Variants in TTN observed in about 807,000 individuals in gnomAD.
The protein encoded by TTN is titin, also known as connectin.
A neutral mutation model predicts 3,223.0 loss-of-function variants in TTN; 1,525 were observed. That is an observed-to-expected ratio of 0.47 (90% CI 0.45 to 0.49). The LOEUF is 0.49. Ranked by LOEUF, TTN falls within the 20% of genes least tolerant of loss-of-function variation. The pLI is 0.00. For missense variants in TTN, 40,786 were observed against 43,424.0 expected, an observed-to-expected ratio of 0.94 and a Z score of 5.40; for synonymous variants, 14,094 against 15,161.0, an observed-to-expected ratio of 0.93 and a Z score of 5.17.
At position 178,695,339 on chromosome 2, in the gene TTN, AT is replaced by A. The variant is rs750965338; in HGVS notation, c.31270+8del. On this transcript the variant is annotated splice_region_variant and intron_variant, in intron 115 of 362. Transcript: ENST00000589042. ...GCTCTAGTCTATTTAAATATTTCTAATTACTTACCTTTAGGAGGTGGTGGTG... is the reference window on the plus strand; with the variant it reads ...GCTCTAGTCTATTTAAATATTTCTAATACTTACCTTTAGGAGGTGGTGGTG... The A allele has an allele frequency of 5.0e-6, 8 of 1,607,818 alleles. No homozygotes were observed. Among genetic ancestry groups the A allele is most frequent in the Non-Finnish European group, 6.8e-6 (8 of 1,175,312 alleles).
At chr2:178,726,311 T>G in intron 69 of TTN, 1 of 307,668 alleles carries the variant, frequency 3.3e-6, no homozygotes, top group East Asian at 5.2e-5. Context: ...CTGATGTATC[T>G]TAGGCTACAA....
rs751625996 is a variant in TTN, at chr2:178,582,534, C to T, written c.65922G>A (p.Met21974Ile). 45 of 1,612,694 alleles carry T rather than the reference C, an allele frequency of 2.8e-5. No homozygotes were observed. The South Asian group carries it at 4.9e-4, about 18-fold the overall frequency. The change falls in exon 314 of 363, where the codon ATG (methionine) becomes ATA (isoleucine). Residue 21974 changes from methionine (M) to isoleucine (I), a missense_variant. Physicochemically the swap from Met to Ile is conservative, Grantham distance 10 (BLOSUM62 1). Coordinates refer to ENST00000589042, the MANE Select transcript of TTN (RefSeq NM_001267550.2). ...CTTCAAGAGGCGGTTCCCAAGAAAGCATAGCACGATCTGAATACATTTTGT... is the reference window on the plus strand; with the variant it reads ...CTTCAAGAGGCGGTTCCCAAGAAAGTATAGCACGATCTGAATACATTTTGT... ...KINKMYSDRAMLSWEPPLEDG... is the reference protein window; with the variant it reads ...KINKMYSDRAILSWEPPLEDG...
rs746938332 is a variant in TTN at position 178,739,039 on chromosome 2, A to T, written c.14092+102T>A. 2.9e-4 allele frequency: 383 copies of T among 1,338,850 alleles called. 2 individuals are homozygous for T. The highest frequency in any genetic ancestry group is 3.6e-4 in the Non-Finnish European group (368 of 1,021,430). The allele number at this position is 1,338,850 out of a possible 1,614,324, so 82.9% of individuals were successfully genotyped here. On this transcript the variant is annotated intron_variant, in intron 48 of 362. Transcript: ENST00000589042. ...TTCATTCTTACTCTAAATAAATTAC[A>T]TTCTGGAAGTGGCAGATAAGTGAAA...
At position 178,531,584 on chromosome 2, in the gene TTN, T is replaced by C. The variant is rs533966614; in HGVS notation, c.105031A>G (p.Thr35011Ala). 3.7e-6 allele frequency: 6 copies of C among 1,613,978 alleles called. No individual in the cohort carries two copies. Among genetic ancestry groups the C allele is most frequent in the African/African-American group, 2.7e-5 (2 of 75,024 alleles). ...ILDCHTDDSGTYRAVCTNYKG... is the reference protein window; with the variant it reads ...ILDCHTDDSGAYRAVCTNYKG... ...TAGTTGGTGCACACAGCACGGTAGG[T>C]TCCACTGTCATCAGTATGACAGTCC... Residue 35011 changes from threonine (T) to alanine (A), a missense_variant, in exon 358 of 363, where the codon ACC becomes GCC. Transcript: ENST00000589042.
At position 178,709,752 on chromosome 2, in the gene TTN, T is replaced by C. The variant is rs775239068; in HGVS notation, c.28567A>G (p.Ile9523Val). ...LEGRVAGSQP[I>V]TVAWYKNNIE... ...TTATTTTTGTACCAGGCAACAGTTA[T>C]AGGTTGGGAACCAGCCACACGTCCC... The change falls in exon 99 of 363, where the codon ATA becomes GTA. Residue 9523 changes from isoleucine (I) to valine (V), a missense_variant. Physicochemically the swap from Ile to Val is conservative, Grantham distance 29. Transcript: ENST00000589042. The C allele has an allele frequency of 6.2e-7, 1 of 1,613,916 alleles. No individual in the cohort carries two copies.
chr2:178,616,667 T>G (rs757063727), intron 256 of TTN, 37 bp from the exon 257 acceptor site: 1 of 1,612,002 alleles, frequency 6.2e-7, no homozygotes, highest in East Asian at 2.2e-5. Context: ...CTGTTAATAG[T>G]CTGAACTAAT....
chr2:178,751,557 G>T (rs148722376), intron 47 of TTN: 3 of 1,613,090 alleles, frequency 1.9e-6, no homozygotes, highest in East Asian at 4.5e-5. Context: ...TCATGTGTCC[G>T]TTCTGCTCTT....
At position 178,640,588 on chromosome 2, in the gene TTN, A is replaced by C. The variant is rs755100454; in HGVS notation, c.40676T>G (p.Val13559Gly). ...CCTTTCCCTTTTTGTAACAGTAGGTACTTCAACCTCTTCAACAGGTTTTGG... is the reference window on the plus strand; with the variant it reads ...CCTTTCCCTTTTTGTAACAGTAGGTCCTTCAACCTCTTCAACAGGTTTTGG... The part of the protein sequence containing the change: ...PPPKPVEEVE[V>G]PTVTKRERKI... The change falls in exon 221 of 363, where the codon GTA becomes GGA. Residue 13559 changes from valine (V) to glycine (G), a missense_variant. Transcript: ENST00000589042. 6.3e-7 allele frequency: 1 copy of C among 1,597,696 alleles called. No homozygotes were observed. The highest frequency in any genetic ancestry group is 1.4e-5 in the African/African-American group (1 of 73,368).
At chr2:178,724,906 G>T (rs1028331460) in intron 71 of TTN, 1 of 195,808 alleles carries the variant, frequency 5.1e-6, no homozygotes, top group African/African-American at 2.3e-5. Context: ...AAAGTCTACA[G>T]GTTATTGTGA....
At chr2:178,623,421 T>C (rs2058589869) in intron 242 of TTN, among the ~76,000 whole-genome samples, 1 of 151,950 alleles carries the variant, frequency 6.6e-6, no homozygotes, top group Non-Finnish European at 1.5e-5. Context: ...AGCTGGTGTA[T>C]AGGATTAGGG....
intron 20 of TTN, among the ~76,000 whole-genome samples, chr2:178,781,925 T>TGG (rs1241163021): frequency 2.0e-5 from 3 of 151,854 alleles, no homozygotes; most frequent in Non-Finnish European, 2.9e-5. Flanking sequence ...TGTGTGTGTG[T>TGG]GTGTGGGTGT....
intron 90 of TTN, 79 bp from the exon 91 acceptor site, chr2:178,714,652 A>G (rs2077189822): frequency 7.1e-7 from 1 of 1,417,244 alleles, no homozygotes; most frequent in South Asian, 1.5e-5. Flanking sequence ...AATGCCGGGA[A>G]TCAAACTAGT....
At position 178,578,721 on chromosome 2, in the gene TTN, A is replaced by G. The variant is rs780064179; in HGVS notation, c.68225-6T>C. On this transcript the variant is annotated splice_region_variant and splice_polypyrimidine_tract_variant and intron_variant, in intron 320 of 362. Coordinates refer to ENST00000589042, the MANE Select transcript of TTN (RefSeq NM_001267550.2). The stretch of plus-strand genomic sequence containing the variant: ...TGGGGGAGCATCAGGCACATCTAGA[A>G]AAAAGTAGATAATGCAAGATTTATA... The G allele has an allele frequency of 6.2e-7, 1 of 1,607,866 alleles. No individual in the cohort carries two copies. Among genetic ancestry groups the G allele is most frequent in the Non-Finnish European group, 8.5e-7 (1 of 1,178,192 alleles).
Position 178,712,217 on chromosome 2 carries a change from G to A in TTN, c.27613C>T (p.Pro9205Ser), listed in dbSNP as rs1216622524. 1.2e-6 allele frequency: 2 copies of A among 1,612,578 alleles called. No homozygotes were observed. Among genetic ancestry groups the A allele is most frequent in the Non-Finnish European group, 1.7e-6 (2 of 1,179,042 alleles). Reference sequence around the variant, plus strand: ...GGCTCCAACTGCTTGACAAAATACGGTGGTTCTGCAGCCAAGAGAGATAAT... The same window carrying A: ...GGCTCCAACTGCTTGACAAAATACGATGGTTCTGCAGCCAAGAGAGATAAT... ...CSAQILILEP[P>S]YFVKQLEPVK... The change falls in exon 96 of 363, where the codon CCG becomes TCG. Residue 9205 changes from proline to serine, a missense_variant. Coordinates refer to ENST00000589042, the MANE Select transcript of TTN (RefSeq NM_001267550.2).
At chr2:178,771,857 A>T (rs13017833) in intron 33 of TTN, among the ~76,000 whole-genome samples, 3,890 of 152,282 alleles carry the variant, frequency 0.026, 71 homozygotes, top group Admixed American at 0.038. Context: ...TTTGCTAAAC[A>T]AAATGTACGA....
Position 178,782,312 on chromosome 2 carries a change from C to A in TTN, c.3280G>T (p.Val1094Leu). The A allele has an allele frequency of 1.2e-6, 2 of 1,614,116 alleles. No homozygotes were observed. The highest frequency in any genetic ancestry group is 1.7e-6 in the Non-Finnish European group (2 of 1,180,000). The change falls in exon 20 of 363, where the codon GTG (valine) becomes TTG (leucine). Residue 1094 changes from valine to leucine, a missense_variant. Physicochemically the swap from Val to Leu is conservative, Grantham distance 32 (BLOSUM62 1). Transcript: ENST00000589042. ...FITKPVVQKL[V>L]EGGSVVFGCQ... ...CCAAACACCACGCTCCCACCTTCCA[C>A]CAGTTTCTGGACCACTGGTTTTGTA...
chr2:178,695,437 G>A, intron 114 of TTN, 27 bp from the exon 115 acceptor site: 2 of 1,592,210 alleles, frequency 1.3e-6, no homozygotes, highest in Non-Finnish European at 1.7e-6. Flanking sequence ...GGAATAAGAA[G>A]GGATGCTTAA....
intron 145 of TTN, 76 bp downstream of exon 145, chr2:178,678,049 T>C: frequency 1.3e-6 from 2 of 1,556,054 alleles, no homozygotes; most frequent in Non-Finnish European, 8.7e-7. Context: ...ATACTAAGCA[T>C]TAATTATAAT....
In TTN at chr2:178,789,431, G is replaced by T. The variant is rs759502170; in HGVS notation, c.2005C>A (p.Gln669Lys). 1 of 1,613,490 alleles carries T rather than the reference G, an allele frequency of 6.2e-7. No individual in the cohort carries two copies. Residue 669 changes from glutamine (Q) to lysine (K), a missense_variant, in exon 13 of 363, where the codon CAA becomes AAA. Coordinates refer to ENST00000589042, the MANE Select transcript of TTN (RefSeq NM_001267550.2). Reference protein sequence around the residue: ...IAVATAKAKEQETILRTRETM... With the variant: ...IAVATAKAKEKETILRTRETM... ...TCTCTAGTTCTCAGTATTGTTTCTT[G>T]TTCTTTGGCTTTAGCAGTAGCAACT...
Sources: allele counts gnomAD v4.1 joint callset (sites outside exome capture counted in the v4.1 genomes callset), GRCh38; gene constraint gnomAD v4.1.1; transcripts MANE v1.5; gene names NCBI Gene and HGNC (gene_info 2026-07-23, HGNC 2026-07-21).